The following DNAH9 variants were observed in gnomAD, a reference collection of about 807,000 sequenced individuals.
The protein encoded by DNAH9 is dynein axonemal heavy chain 9, also known as DNAH9 variant protein.
In DNAH9, 345 loss-of-function variants were observed where a neutral mutation model predicts 471.6. That is an observed-to-expected ratio of 0.73 (90% CI 0.67 to 0.80). The LOEUF (loss-of-function observed/expected upper bound fraction) is 0.80, where lower values mean the gene tolerates loss of function less well. Ranked by LOEUF, DNAH9 falls within the 30% of genes least tolerant of loss-of-function variation. The pLI, the probability that DNAH9 is intolerant of heterozygous loss-of-function variation, is 0.00. For missense variants in DNAH9, 5,407 were observed against 5,609.2 expected (o/e 0.96, Z 1.15); for synonymous variants, 2,093 against 2,123.6 (o/e 0.99, Z 0.40).
chr17:11,676,728 G>A (rs949894602), intron 17 of DNAH9, among the ~76,000 whole-genome samples: 2 of 151,390 alleles, frequency 1.3e-5, no homozygotes, highest in African/African-American at 4.9e-5. Flanking sequence ...TTACTACTTT[G>A]GATTTATTTT....
intron 1 of DNAH9, among the ~76,000 whole-genome samples, chr17:11,600,820 A>C (rs2072370123): frequency 6.6e-6 from 1 of 152,208 alleles, no homozygotes; most frequent in Admixed American, 6.5e-5. Context: ...TTGTGGCAAA[A>C]AAAACACATG....
intron 38 of DNAH9, among the ~76,000 whole-genome samples, chr17:11,772,569 T>A (rs571886677): frequency 6.6e-6 from 1 of 152,274 alleles, no homozygotes; most frequent in East Asian, 1.9e-4. Context: ...TTCAAGCGAT[T>A]CTCCTGCCTC....
intron 62 of DNAH9, 109 bp downstream of exon 62, chr17:11,924,050 C>A: frequency 7.1e-7 from 1 of 1,418,372 alleles, no homozygotes; most frequent in South Asian, 1.4e-5. Context: ...TCCTTTCACA[C>A]TCTTGTCCCC....
intron 61 of DNAH9, among the ~76,000 whole-genome samples, chr17:11,918,868 C>A (rs556470057): frequency 6.6e-6 from 1 of 152,248 alleles, no homozygotes; most frequent in Non-Finnish European, 1.5e-5. Flanking sequence ...TGCCTGTAAT[C>A]CCAGCTACTT....
chr17:11,719,253 A>C, intron 26 of DNAH9, 81 bp from the exon 27 acceptor site: 1 of 1,391,388 alleles, frequency 7.2e-7, no homozygotes, highest in Non-Finnish European at 1.0e-6. Flanking sequence ...AAGCTATGCC[A>C]GATCTCACAT....
intron 29 of DNAH9, among the ~76,000 whole-genome samples, chr17:11,740,715 G>C (rs560891182): frequency 6.6e-6 from 1 of 152,288 alleles, no homozygotes; most frequent in Non-Finnish European, 1.5e-5. Context: ...CCAGTGTTTA[G>C]TGAAGAAACA....
intron 6 of DNAH9, among the ~76,000 whole-genome samples, chr17:11,627,418 C>T (rs956197922): frequency 7.9e-5 from 12 of 152,096 alleles, no homozygotes; most frequent in South Asian, 2.1e-4. Flanking sequence ...TAAAATGGTA[C>T]GAAGTATTTC....
chr17:11,888,895 G>A (rs1429751830), intron 57 of DNAH9, among the ~76,000 whole-genome samples: 1 of 152,154 alleles, frequency 6.6e-6, no homozygotes, highest in African/African-American at 2.4e-5. Context: ...AGGCCAACGT[G>A]GCAGGAACCA....
At chr17:11,925,664 C>T (rs375770467) in intron 62 of DNAH9, among the ~76,000 whole-genome samples, 7 of 152,290 alleles carry the variant, frequency 4.6e-5, no homozygotes, top group African/African-American at 1.4e-4. Flanking sequence ...CTGCTGCCCC[C>T]GTTGTCCCCC....
chr17:11,871,858 T>C, intron 52 of DNAH9, 72 bp downstream of exon 52: 2 of 1,522,644 alleles, frequency 1.3e-6, no homozygotes, highest in Non-Finnish European at 1.8e-6. Flanking sequence ...ACGGTCATAA[T>C]TCGCATCCTC....
chr17:11,949,481 C>CTT (rs71367360), intron 67 of DNAH9, among the ~76,000 whole-genome samples: 44 of 146,750 alleles, frequency 3.0e-4, no homozygotes, highest in Non-Finnish European at 4.5e-4. Flanking sequence ...TAGCTTGAGA[C>CTT]TTTTTTTTTT....
At chr17:11,918,628 G>A (rs540064262) in intron 61 of DNAH9, among the ~76,000 whole-genome samples, 17 of 152,274 alleles carry the variant, frequency 1.1e-4, no homozygotes, top group African/African-American at 4.1e-4. Flanking sequence ...TTTTTTTGTG[G>A]TGAGCGAAAC....
intron 8 of DNAH9, among the ~76,000 whole-genome samples, chr17:11,635,117 G>A (rs1208357334): frequency 8.6e-5 from 13 of 151,562 alleles, no homozygotes; most frequent in Admixed American, 7.2e-4. Context: ...TTAGACTATG[G>A]GTACATGTGT....
At chr17:11,888,596 G>A (rs1023627053) in intron 57 of DNAH9, among the ~76,000 whole-genome samples, 4 of 152,208 alleles carry the variant, frequency 2.6e-5, no homozygotes, top group Non-Finnish European at 4.4e-5. Flanking sequence ...CATTTTTAAA[G>A]TAGGGGAGAT....
chr17:11,698,904 A>G (rs954724243), intron 22 of DNAH9, among the ~76,000 whole-genome samples: 4 of 152,044 alleles, frequency 2.6e-5, no homozygotes, highest in African/African-American at 9.7e-5. Context: ...GCATGCCTGC[A>G]CTGCTTGGAA....
intron 1 of DNAH9, among the ~76,000 whole-genome samples, chr17:11,601,687 C>G (rs1443094285): frequency 3.3e-5 from 5 of 152,104 alleles, no homozygotes. Context: ...TGTTGGCCTC[C>G]CATCTGCTAA....
At position 11,945,833 on chromosome 17, in the gene DNAH9, T is replaced by A. The variant is rs1041130719; in HGVS notation, c.12843+3348T>A. 4.0e-5 allele frequency among the ~76,000 whole-genome samples: 6 copies of A among 151,518 alleles called. No individual in the cohort carries two copies. In the South Asian group the frequency reaches 1.3e-3, roughly 32 times the overall value. ...CAGCACTTTGGGAGGCCGAGGCAGC[T>A]GGATCACGAGGTCAGGAGATCAAGA... is the stretch of plus-strand genomic sequence containing the variant. On this transcript the variant is annotated intron_variant, in intron 67 of 68. Transcript: ENST00000262442.
In DNAH9 at chr17:11,932,052, G is replaced by C. The variant is rs747185876; in HGVS notation, c.12144G>C (p.Lys4048Asn). 2 of 1,614,154 alleles carry C rather than the reference G, an allele frequency of 1.2e-6. No homozygotes were observed. The highest frequency in any genetic ancestry group is 1.7e-6 in the Non-Finnish European group (2 of 1,180,020). The change falls in exon 64 of 69, where the codon AAG becomes AAC. Residue 4048 changes from lysine to asparagine, a missense_variant. Lys to Asn is a moderately conservative substitution (Grantham distance 94). Coordinates refer to ENST00000262442, the MANE Select transcript of DNAH9 (RefSeq NM_001372.4). This position sits in a 1 kb window ranked among gnomAD's most constrained non-coding sequence, Gnocchi z 4.3. Reference protein sequence around the residue: ...LEMCSRETEFKSILFALCYFH... With the variant: ...LEMCSRETEFNSILFALCYFH... The stretch of plus-strand genomic sequence containing the variant: ...TGTGTTCTCGGGAGACGGAGTTTAA[G>C]AGCATCCTCTTTGCTCTTTGTTACT...
chr17:11,859,779 A>C (rs1971776937), intron 50 of DNAH9, among the ~76,000 whole-genome samples: 1 of 152,154 alleles, frequency 6.6e-6, no homozygotes, highest in Non-Finnish European at 1.5e-5. Flanking sequence ...ATCTCCCCTG[A>C]ACTAACTGAT....
Sources: gnomAD v4.1 joint callset for allele counts (sites outside exome capture counted in the v4.1 genomes callset) on GRCh38, gnomAD v4.1.1 for gene constraint, Gnocchi (gnomAD v3.1) non-coding constraint, MANE v1.5 for transcripts, NCBI Gene and HGNC (gene_info 2026-07-23, HGNC 2026-07-21) for gene names.